The following ANKHD1 variants were observed in gnomAD, a reference collection of about 807,000 sequenced individuals.
The protein encoded by ANKHD1 is ankyrin repeat and KH domain containing 1.
A neutral mutation model predicts 230.5 loss-of-function variants in ANKHD1; 31 were observed. The observed-to-expected ratio is 0.13, with a 90% CI of 0.10 to 0.18. The LOEUF (loss-of-function observed/expected upper bound fraction) is 0.18. ANKHD1 is among the 10% of genes least tolerant of loss of function. The probability of loss-of-function intolerance (pLI) is 1.00; values close to 1 mark genes in which losing one functional copy is unlikely to be tolerated. For missense variants in ANKHD1, 2,256 were observed against 3,071.3 expected (o/e 0.73, Z 6.27); for synonymous variants, 1,074 against 1,117.6 (o/e 0.96, Z 0.78).
chr5:140,464,744 G>A lies in ANKHD1; in HGVS notation c.1750G>A (p.Ala584Thr). The A allele has an allele frequency of 6.2e-7, 1 of 1,608,016 alleles. No individual in the cohort carries two copies. Among genetic ancestry groups the A allele is most frequent in the Non-Finnish European group, 8.5e-7 (1 of 1,175,612 alleles). Residue 584 changes from alanine to threonine, a missense_variant, in exon 10 of 34, where the codon GCA becomes ACA. Ala to Thr is a moderately conservative substitution (Grantham distance 58, BLOSUM62 0). Around this residue, in one of 13 missense-constraint regions of ANKHD1, gnomAD observed 179 missense variants for 261.8 expected, o/e 0.68. Transcript: ENST00000360839. ...TTGTGAAAATGGACATACGGATGTT[G>A]CAGATGTTTTACTTCAAGCAGGGGC... ...YACENGHTDV[A>T]DVLLQAGADL...
At chr5:140,499,598 A>T (rs1022928923) in intron 15 of ANKHD1, among the ~76,000 whole-genome samples, 4 of 152,092 alleles carry the variant, frequency 2.6e-5, no homozygotes, top group Non-Finnish European at 5.9e-5. Flanking sequence ...TAATTTATTA[A>T]TGTTGCAACT....
At chr5:140,491,133 T>TACAC (rs1212367561) in intron 14 of ANKHD1, among the ~76,000 whole-genome samples, 57 of 67,002 alleles carry the variant, frequency 8.5e-4, no homozygotes, top group South Asian at 1.6e-3. Context: ...TATATATATA[T>TACAC]ATACACATAT....
At chr5:140,524,471 A>G (rs1753510072) in intron 25 of ANKHD1, among the ~76,000 whole-genome samples, 5 of 152,240 alleles carry the variant, frequency 3.3e-5, no homozygotes. Flanking sequence ...TTGTAATTTA[A>G]GTCACCTTGT....
chr5:140,456,306 A>G (rs1436085102), intron 7 of ANKHD1, among the ~76,000 whole-genome samples: 4 of 152,232 alleles, frequency 2.6e-5, no homozygotes, highest in Admixed American at 6.5e-5. Flanking sequence ...TATAGATTCA[A>G]TGCCATCCCC....
chr5:140,454,396 C>T (rs1286040772), intron 7 of ANKHD1, among the ~76,000 whole-genome samples: 1 of 152,208 alleles, frequency 6.6e-6, no homozygotes, highest in Non-Finnish European at 1.5e-5. Context: ...CACCCCAAAT[C>T]AACAGAATAT....
chr5:140,496,948 C>G lies in ANKHD1; in HGVS notation c.2674C>G (p.His892Asp), dbSNP rs758583686. Residue 892 changes from histidine to aspartate, a missense_variant, in exon 15 of 34, where the codon CAC becomes GAC. Transcript: ENST00000360839. ...GEGDGSLPED[H>D]FSELPQVDTI... ...AGGAGATGGTAGTCTCCCAGAGGAT[C>G]ACTTTTCAGAGTTACCTCAGGTTGA... The G allele has an allele frequency of 1.5e-5, 25 of 1,614,042 alleles. No homozygotes were observed. In the South Asian group the frequency reaches 2.2e-4, roughly 14 times the overall value.
At position 140,401,978 on chromosome 5, in the gene ANKHD1, A is replaced by G; in HGVS notation, c.11A>G (p.Asp4Gly). 6.4e-7 allele frequency: 1 copy of G among 1,563,890 alleles called. No individual in the cohort carries two copies. Among genetic ancestry groups the G allele is most frequent in the Non-Finnish European group, 8.6e-7 (1 of 1,159,820 alleles). MLT[D>G]SGGGGTSFEE... ...CTCCGGGTGCGAACAATGCTGACTG[A>G]TAGCGGAGGCGGCGGCACCTCCTTT... Residue 4 changes from aspartate (D) to glycine (G), a missense_variant, in exon 1 of 34, where the codon GAT (aspartate) becomes GGT (glycine). This residue lies in a region of ANKHD1 where 193 missense variants were observed against 185.8 expected (regional missense o/e 1.04). Coordinates refer to ENST00000360839, the MANE Select transcript of ANKHD1 (RefSeq NM_017747.3).
chr5:140,402,402 G>GGCGGTGGCC, intron 1 of ANKHD1, 129 bp downstream of exon 1: 3 of 1,295,002 alleles, frequency 2.3e-6, no homozygotes, highest in Non-Finnish European at 3.0e-6. Context: ...GCTCCATGGC[G>GGCGGTGGCC]GCGGTGGCCG....
chr5:140,487,997 C>G (rs1369048315), intron 14 of ANKHD1, among the ~76,000 whole-genome samples: 1 of 152,134 alleles, frequency 6.6e-6, no homozygotes, highest in Non-Finnish European at 1.5e-5. Flanking sequence ...TTTACCAGGG[C>G]TAAACTATTA....
chr5:140,459,813 C>T (rs908898006), intron 9 of ANKHD1, among the ~76,000 whole-genome samples: 3 of 152,034 alleles, frequency 2.0e-5, no homozygotes, highest in African/African-American at 7.2e-5. Context: ...TAGAAAAAGA[C>T]TTATATTGCT....
chr5:140,439,862 G>T (rs1359726143), intron 3 of ANKHD1, among the ~76,000 whole-genome samples: 2 of 152,130 alleles, frequency 1.3e-5, no homozygotes, highest in African/African-American at 4.8e-5. Context: ...TTTAAAATTT[G>T]TTGTAATATG....
In ANKHD1 at chr5:140,526,385, C is replaced by T. The variant is rs1753606697; in HGVS notation, c.4882C>T (p.Leu1628=). Residue 1628 remains leucine, a synonymous_variant, in exon 26 of 34, where the codon CTG becomes TTG. Transcript: ENST00000360839. ...TGTGAATTCCTCTAAATACCCCTCA[C>T]TGCTCCTTCATTCCCAAGAAGAAAA... is the stretch of plus-strand genomic sequence containing the variant. ...MDVNSSKYPS[L]LLHSQEEKTS... The T allele has an allele frequency of 1.9e-6, 3 of 1,613,956 alleles. No homozygotes were observed. The African/African-American group carries it at 4.0e-5, about 22-fold the overall frequency.
Position 140,445,839 on chromosome 5 carries a change from T to C in ANKHD1, c.1011T>C (p.Asn337=), listed in dbSNP as rs565090475. 3.7e-6 allele frequency: 6 copies of C among 1,613,708 alleles called. No homozygotes were observed. Among genetic ancestry groups the C allele is most frequent in the Non-Finnish European group, 5.1e-6 (6 of 1,179,886 alleles). Residue 337 remains asparagine (N), a synonymous_variant, in exon 6 of 34, where the codon AAT becomes AAC. Coordinates refer to ENST00000360839, the MANE Select transcript of ANKHD1 (RefSeq NM_017747.3). ...CAAATATAGAAGATCATAATGAAAA[T>C]GGACATACTCCCTTAATGGAAGCAG... ...EGANIEDHNE[N]GHTPLMEAAS...
chr5:140,516,692 C>G (rs889162199), intron 24 of ANKHD1, among the ~76,000 whole-genome samples: 4 of 151,910 alleles, frequency 2.6e-5, no homozygotes, highest in African/African-American at 9.7e-5. Flanking sequence ...CCAAACTAAG[C>G]TTTGTAAGTG....
intron 1 of ANKHD1, among the ~76,000 whole-genome samples, chr5:140,410,061 T>G (rs1770803001): frequency 6.6e-6 from 1 of 152,170 alleles, no homozygotes; most frequent in Non-Finnish European, 1.5e-5. Context: ...TTTCAATAGA[T>G]AATTACATTC....
intron 14 of ANKHD1, among the ~76,000 whole-genome samples, chr5:140,493,166 A>AT (rs1751882410): frequency 2.0e-5 from 3 of 152,146 alleles, no homozygotes; most frequent in African/African-American, 7.2e-5. Context: ...GGTTCAAGCG[A>AT]TTCTCTTGCT....
chr5:140,427,446 A>G (rs1274741510), intron 1 of ANKHD1, among the ~76,000 whole-genome samples: 1 of 113,758 alleles, frequency 8.8e-6, no homozygotes. Flanking sequence ...TCTCTCCCGG[A>G]CGGGGCGGCT....
At chr5:140,488,090 T>G (rs985496505) in intron 14 of ANKHD1, among the ~76,000 whole-genome samples, 2 of 152,216 alleles carry the variant, frequency 1.3e-5, no homozygotes, top group African/African-American at 4.8e-5. Flanking sequence ...TATTCAAAAT[T>G]TTCCTGCTGT....
intron 14 of ANKHD1, among the ~76,000 whole-genome samples, chr5:140,493,495 T>G (rs894817549): frequency 6.6e-6 from 1 of 152,358 alleles, no homozygotes; most frequent in African/African-American, 2.4e-5. Context: ...ATAATACTAC[T>G]TACTACCTGT....
Sources: allele counts gnomAD v4.1 joint callset (sites outside exome capture counted in the v4.1 genomes callset), GRCh38; gene constraint gnomAD v4.1.1; regional missense constraint gnomAD v4.1.1; transcripts MANE v1.5; gene names NCBI Gene and HGNC (gene_info 2026-07-23, HGNC 2026-07-21).